Variants in BAIAP2L2 observed in about 807,000 individuals in gnomAD.
BAIAP2L2 encodes the protein BAR/IMD domain containing adaptor protein 2 like 2.
Under a neutral mutation model 60.4 loss-of-function variants are expected in BAIAP2L2, and 65 were observed. The ratio of observed to expected loss-of-function variants is 1.08; its 90% CI spans 0.88 to 1.32. BAIAP2L2 has a LOEUF of 1.32. BAIAP2L2 is among the 40% of genes most tolerant of loss of function. The pLI is 0.00. For synonymous variants in BAIAP2L2, 344 were observed against 301.7 expected, an observed-to-expected ratio of 1.14 and a Z score of -1.45; for missense variants, 836 against 741.2, an observed-to-expected ratio of 1.13 and a Z score of -1.48.
intron 9 of BAIAP2L2, 53 bp downstream of exon 9, chr22:38,089,043 C>G: frequency 7.1e-7 from 1 of 1,405,554 alleles, no homozygotes; most frequent in Non-Finnish European, 9.2e-7. Context: ...TGCTGCAGCC[C>G]CACCCCCGCG....
At position 38,108,324 on chromosome 22, in the gene BAIAP2L2, C is replaced by T. The variant is rs200319747; in HGVS notation, c.145G>A (p.Glu49Lys). The T allele has an allele frequency of 9.8e-5, 158 of 1,612,482 alleles. No homozygotes were observed. Among genetic ancestry groups the T allele is most frequent in the Non-Finnish European group, 1.2e-4 (145 of 1,179,840 alleles). The stretch of plus-strand genomic sequence containing the variant: ...TTCTGGATGGCACTGAAGTAGACCT[C>T]GGCCGCCTCGGACAGAGCTGTGGAC... ...RAFHALSEAA[E>K]VYFSAIQKIG... The change falls in exon 3 of 14, where the codon GAG becomes AAG. Residue 49 changes from glutamate (E) to lysine (K), a missense_variant. Transcript: ENST00000381669.
intron 2 of BAIAP2L2, 69 bp downstream of exon 2, chr22:38,109,064 G>C: frequency 1.5e-6 from 2 of 1,336,514 alleles, no homozygotes; most frequent in Non-Finnish European, 2.1e-6. Context: ...GAGAATCTGG[G>C]AGGGGCCTGG....
In BAIAP2L2 at chr22:38,108,296, A is replaced by G. The variant is rs979338837; in HGVS notation, c.173T>C (p.Ile58Thr). ...GGGGCTCTGCAGGGCACGCTCCCCA[A>G]TCTTCTGGATGGCACTGAAGTAGAC... is the stretch of plus-strand genomic sequence containing the variant. ...AEVYFSAIQK[I>T]GERALQSPTS... The change falls in exon 3 of 14, where the codon ATT (isoleucine) becomes ACT (threonine). Residue 58 changes from isoleucine to threonine, a missense_variant. Ile to Thr is a moderately conservative substitution (Grantham distance 89, BLOSUM62 -1). Transcript: ENST00000381669. 1.2e-5 allele frequency: 19 copies of G among 1,612,682 alleles called. No homozygotes were observed. Among genetic ancestry groups the G allele is most frequent in the Middle Eastern group, 3.3e-4 (2 of 6,078 alleles).
At chr22:38,085,526 C>A (rs2086034112) in intron 13 of BAIAP2L2, 151 bp from the exon 14 acceptor site, 1 of 1,284,526 alleles carries the variant, frequency 7.8e-7, no homozygotes, top group Non-Finnish European at 1.1e-6. Context: ...CTTTTTTTTT[C>A]TTTTAAGAGA....
chr22:38,098,405 A>G lies in BAIAP2L2; in HGVS notation c.348+6T>C. Reference sequence around the variant, plus strand: ...GTTGGGGGCCGAGTGGGGAGGCCAGACTCACTTTGATGAACTGCATGTCCA... The same window carrying G: ...GTTGGGGGCCGAGTGGGGAGGCCAGGCTCACTTTGATGAACTGCATGTCCA... On this transcript the variant is annotated splice_donor_region_variant and intron_variant, in intron 5 of 13. Transcript: ENST00000381669. 6.2e-7 allele frequency: 1 copy of G among 1,613,304 alleles called. No homozygotes were observed. Among genetic ancestry groups the G allele is most frequent in the Non-Finnish European group, 8.5e-7 (1 of 1,179,490 alleles).
chr22:38,110,570 C>A lies in BAIAP2L2; in HGVS notation c.-45G>T. On this transcript the variant is annotated 5_prime_UTR_variant, in exon 1 of 14. Transcript: ENST00000381669. ...TGAGCAGGAGGCTGGGAGCTGGTGG[C>A]GATGGCACAGCCGGGAGCAGTGGTA... 5 of 1,547,058 alleles carry A rather than the reference C, an allele frequency of 3.2e-6. No homozygotes were observed. The highest frequency in any genetic ancestry group is 3.5e-6 in the Non-Finnish European group (4 of 1,132,426).
chr22:38,091,697 A>C (rs1405404449), intron 7 of BAIAP2L2: 1 of 152,224 alleles, frequency 6.6e-6, no homozygotes, highest in Non-Finnish European at 1.5e-5. Context: ...CTAAATAAAA[A>C]TAATGTTTTT....
chr22:38,090,093 A>G (rs1412638057), intron 7 of BAIAP2L2: 1 of 127,154 alleles, frequency 7.9e-6, no homozygotes, highest in African/African-American at 3.0e-5. Flanking sequence ...ACACTATGGA[A>G]AATGCATTTT....
chr22:38,086,332 CA>C lies in BAIAP2L2; in HGVS notation c.1376del (p.Val459GlyfsTer33). On this transcript the variant is annotated frameshift_variant, in exon 12 of 14. Coordinates refer to ENST00000381669, the MANE Select transcript of BAIAP2L2 (RefSeq NM_025045.6). LOFTEE classifies it high-confidence loss of function. ...GQSRSRTPSR[V>X]PSRAPSPAPP... Reference sequence around the variant, plus strand: ...GTGCAGGGCTGGGGGCACGGCTTGGCACCCGGCTTGGGGTGCGGGAGCGGGA... The same window carrying C: ...GTGCAGGGCTGGGGGCACGGCTTGGCCCCGGCTTGGGGTGCGGGAGCGGGA... 1 of 1,569,852 alleles carries C rather than the reference CA, an allele frequency of 6.4e-7. No individual in the cohort carries two copies. Among genetic ancestry groups the C allele is most frequent in the African/African-American group, 1.4e-5 (1 of 73,468 alleles).
Position 38,109,222 on chromosome 22 carries a change from T to C in BAIAP2L2, c.52-14A>G, listed in dbSNP as rs2086737141. On this transcript the variant is annotated splice_polypyrimidine_tract_variant and intron_variant, in intron 1 of 13. Coordinates refer to ENST00000381669, the MANE Select transcript of BAIAP2L2 (RefSeq NM_025045.6). ...CTCCATGATGCTCTGGACCCCAGGGTCAGGGGAGGAAAAAGGTGTAGAGAT... is the reference window on the plus strand; with the variant it reads ...CTCCATGATGCTCTGGACCCCAGGGCCAGGGGAGGAAAAAGGTGTAGAGAT... The C allele has an allele frequency of 6.2e-7, 1 of 1,600,580 alleles. No individual in the cohort carries two copies. The highest frequency in any genetic ancestry group is 1.1e-5 in the South Asian group (1 of 90,756).
intron 1 of BAIAP2L2, 141 bp from the exon 2 acceptor site, chr22:38,109,349 A>G (rs6001009): frequency 0.45 from 303,024 of 669,994 alleles, 71,512 homozygotes; most frequent in African/African-American, 0.69. Context: ...GGGCCCATCT[A>G]CAAACCTAGG....
At chr22:38,094,017 G>T (rs768514704) in intron 7 of BAIAP2L2, 2 of 456,320 alleles carry the variant, frequency 4.4e-6, no homozygotes, top group Non-Finnish European at 8.8e-6. Flanking sequence ...CCAAGCAATG[G>T]AATATTATCC....
chr22:38,089,780 GGAC>G (rs897108593), intron 7 of BAIAP2L2, 106 bp from the exon 8 acceptor site: 28 of 1,090,386 alleles, frequency 2.6e-5, no homozygotes, highest in Non-Finnish European at 3.1e-5. Context: ...TACCAGCTCG[GGAC>G]GACCGGATTT....
chr22:38,108,445 G>A, intron 2 of BAIAP2L2, 104 bp from the exon 3 acceptor site: 2 of 886,136 alleles, frequency 2.3e-6, no homozygotes, highest in East Asian at 2.6e-5. Context: ...GGTGGGGTGT[G>A]GGCATCTGTG....
chr22:38,105,245 G>A (rs867178206), intron 4 of BAIAP2L2, among the ~76,000 whole-genome samples: 1 of 151,894 alleles, frequency 6.6e-6, no homozygotes, highest in Non-Finnish European at 1.5e-5. Context: ...TGCAGCCTTC[G>A]GTCTTTCCAC....
Position 38,107,911 on chromosome 22 carries a change from C to T in BAIAP2L2, c.217G>A (p.Glu73Lys), listed in dbSNP as rs1161857867. 12 of 1,613,338 alleles carry T rather than the reference C, an allele frequency of 7.4e-6. No homozygotes were observed. Among genetic ancestry groups the T allele is most frequent in the Non-Finnish European group, 1.0e-5 (12 of 1,179,882 alleles). The change falls in exon 4 of 14, where the codon GAG becomes AAG. Residue 73 changes from glutamate to lysine, a missense_variant and splice_region_variant. Physicochemically the swap from Glu to Lys is moderately conservative, Grantham distance 56 (BLOSUM62 1). Transcript: ENST00000381669. ...GTGTCAGACATCTGCACCAAGATCT[C>T]CCCTGGAGGCATGGATGCAGCTGTG... ...LQSPTSQILG[E>K]ILVQMSDTQR...
rs1200664794 is a variant in BAIAP2L2, at chr22:38,098,081, C to A, written c.447G>T (p.Lys149Asn). The A allele has an allele frequency of 6.4e-7, 1 of 1,554,396 alleles. No homozygotes were observed. Among genetic ancestry groups the A allele is most frequent in the Non-Finnish European group, 8.7e-7 (1 of 1,145,244 alleles). The stretch of plus-strand genomic sequence containing the variant: ...CTCGCACCTTCATCTCCCGCACGTT[C>A]TTGTCTCTCTTGCGCTCCATGCGCC... ...ELWRMERKRD[K>N]NVREMKESVN... Residue 149 changes from lysine to asparagine, a missense_variant, in exon 6 of 14, where the codon AAG becomes AAT. By Grantham distance (94) the Lys-to-Asn change is moderately conservative (BLOSUM62 0). Transcript: ENST00000381669.
intron 7 of BAIAP2L2, chr22:38,090,118 T>TTTTATTTTTTTTTA (rs1555964437): frequency 2.4e-5 from 3 of 123,086 alleles, no homozygotes; most frequent in African/African-American, 8.7e-5. Flanking sequence ...TTTTTTTTTT[T>TTTTATTTTTTTTTA]TTTTTTTTTT....
intron 4 of BAIAP2L2, among the ~76,000 whole-genome samples, chr22:38,105,464 C>T (rs919681066): frequency 5.3e-5 from 8 of 151,740 alleles, no homozygotes; most frequent in Non-Finnish European, 1.5e-5. Context: ...CTCAGCCTCC[C>T]GAGTAGCTGG....
Sources: allele counts gnomAD v4.1 joint callset (sites outside exome capture counted in the v4.1 genomes callset), GRCh38; gene constraint gnomAD v4.1.1; transcripts MANE v1.5; gene names NCBI Gene and HGNC (gene_info 2026-07-23, HGNC 2026-07-21).